PLEKHG3: variants seen among roughly 807,000 people sequenced by gnomAD.
PLEKHG3 encodes pleckstrin homology and RhoGEF domain containing G3, also known as pleckstrin homology domain-containing family G member 3.
PLEKHG3 carries 62 observed loss-of-function variants against 94.9 expected under a neutral mutation model. That is an observed-to-expected ratio of 0.65 (90% CI 0.53 to 0.81). The LOEUF (loss-of-function observed/expected upper bound fraction) is 0.81. PLEKHG3 is among the 30% of genes least tolerant of loss of function. The pLI is 0.00. For missense variants in PLEKHG3, 1,461 were observed against 1,619.3 expected, an observed-to-expected ratio of 0.90 and a Z score of 1.68; for synonymous variants, 614 against 654.0, an observed-to-expected ratio of 0.94 and a Z score of 0.93.
Position 64,750,204 on chromosome 14 carries a change from T to G in PLEKHG3, c.*6501T>G. 618 of 1,547,728 alleles carry G rather than the reference T, an allele frequency of 4.0e-4. No individual in the cohort carries two copies. Among genetic ancestry groups the G allele is most frequent in the Non-Finnish European group, 5.1e-4 (570 of 1,127,342 alleles). On this transcript the variant is annotated 3_prime_UTR_variant, in exon 17 of 17. Coordinates refer to ENST00000247226, the MANE Select transcript of PLEKHG3 (RefSeq NM_001308147.2). ...CACCCACATCCTGATATGGTATCTC[T>G]AGAGTCAATTCCTATAGCTTCACCA... is the stretch of plus-strand genomic sequence containing the variant.
At chr14:64,736,709 C>T in intron 12 of PLEKHG3, 144 bp from the exon 13 acceptor site, 1 of 712,748 alleles carries the variant, frequency 1.4e-6, no homozygotes, top group Non-Finnish European at 2.6e-6. Flanking sequence ...TGGAAGGCAG[C>T]TTCCCTGGGG....
chr14:64,716,060 G>A lies in PLEKHG3; in HGVS notation c.-40+11356G>A, dbSNP rs2139365149. The A allele has an allele frequency of 4.4e-6, 2 of 456,320 alleles. No homozygotes were observed. Among genetic ancestry groups the A allele is most frequent in the East Asian group, 1.4e-4 (2 of 14,376 alleles). The allele number at this position is 456,320 out of a possible 1,614,324, so 28.3% of individuals were successfully genotyped here. ...CTGCCCGGCCCCTCGCCACCCTCGT[G>A]GTGCCCGGATGGGAGCTCTCCTGAG... On this transcript the variant is annotated intron_variant, in intron 1 of 16. Transcript: ENST00000247226. The surrounding 1 kb of genome is among the most constrained non-coding windows in gnomAD (Gnocchi z 5.0).
rs555085948 is a variant in PLEKHG3 at position 64,725,681 on chromosome 14, C to T, written c.-39-1912C>T. On this transcript the variant is annotated intron_variant, in intron 1 of 16. Transcript: ENST00000247226. The surrounding 1 kb of genome is among the most constrained non-coding windows in gnomAD (Gnocchi z 5.0). The stretch of plus-strand genomic sequence containing the variant: ...GCCCTCTGGGCATTGCACTGGGCTG[C>T]GGAGGGGAGCACTGGGCTGCCACTG... 7.2e-5 allele frequency among the ~76,000 whole-genome samples: 11 copies of T among 152,238 alleles called. No homozygotes were observed. In the East Asian group the frequency reaches 1.9e-3, roughly 27 times the overall value.
At position 64,738,096 on chromosome 14, in the gene PLEKHG3, GAGGAGGAGGAGC is replaced by G; in HGVS notation, c.1405-637_1405-626del. ...GCCGGAGCCCCCAGGCTCAGAGGAG[GAGGAGGAGGAGC>G]AGGAGGAGAGCCTGGCGGTGGCGGA... On this transcript the variant is annotated intron_variant, in intron 14 of 16. Transcript: ENST00000247226. The surrounding 1 kb of genome is among the most constrained non-coding windows in gnomAD (Gnocchi z 4.8). 7.7e-7 allele frequency: 1 copy of G among 1,304,788 alleles called. No homozygotes were observed. The highest frequency in any genetic ancestry group is 1.0e-6 in the Non-Finnish European group (1 of 997,446). The allele number at this position is 1,304,788 out of a possible 1,614,324, so 80.8% of individuals were successfully genotyped here.
In PLEKHG3 at chr14:64,738,948, C is replaced by T; in HGVS notation, c.1518+93C>T. 1.3e-6 allele frequency: 1 copy of T among 770,428 alleles called. No homozygotes were observed. The allele number at this position is 770,428 out of a possible 1,614,324, so 47.7% of individuals were successfully genotyped here. The stretch of plus-strand genomic sequence containing the variant: ...ATAGGGCTTTCAGGCACAGGCTCTC[C>T]CACTGGGCCCATGGGAACAGAGATT... On this transcript the variant is annotated intron_variant, in intron 15 of 16. Transcript: ENST00000247226. This position sits in a 1 kb window ranked among gnomAD's most constrained non-coding sequence, Gnocchi z 4.8.
chr14:64,733,687 T>A (rs1240545066), intron 12 of PLEKHG3, among the ~76,000 whole-genome samples: 3 of 152,148 alleles, frequency 2.0e-5, no homozygotes, highest in Non-Finnish European at 2.9e-5. Context: ...ACAGGAAATA[T>A]TTATTTTGGG....
rs1463976155 is a variant in PLEKHG3, at chr14:64,749,010, G to T, written c.*5307G>T. ...GCTCAGGAGGAGGGTGGGAGAGGAG[G>T]GCGTGTGCCTCAGAGAACCGTTTCC... On this transcript the variant is annotated 3_prime_UTR_variant, in exon 17 of 17. Coordinates refer to ENST00000247226, the MANE Select transcript of PLEKHG3 (RefSeq NM_001308147.2). The surrounding 1 kb of genome is among the most constrained non-coding windows in gnomAD (Gnocchi z 4.7). 9.1e-6 allele frequency: 3 copies of T among 328,640 alleles called. No homozygotes were observed. The highest frequency in any genetic ancestry group is 1.7e-5 in the Non-Finnish European group (3 of 178,452). 20.4% of individuals were successfully genotyped at this position (328,640 alleles called of 1,614,324 possible).
chr14:64,742,570 A>T, intron 16 of PLEKHG3, 115 bp downstream of exon 16: 2 of 770,670 alleles, frequency 2.6e-6, no homozygotes, highest in Non-Finnish European at 4.1e-6. Flanking sequence ...CCAAAGGGAG[A>T]AGCTGGACCC....
chr14:64,736,761 G>C (rs2081578575), intron 12 of PLEKHG3, 92 bp from the exon 13 acceptor site: 2 of 921,688 alleles, frequency 2.2e-6, no homozygotes, highest in Non-Finnish European at 3.6e-6. Context: ...ACTTTGAGCT[G>C]GTGATGGGCT....
rs2081804333 is a variant in PLEKHG3, at chr14:64,744,893, GCC to G, written c.*1191_*1192del. ...GGTTCAAGCAATTCTCGTTGTCTCA[GCC>G]TCCCAGGTCGCTGGGACTACAGGCA... is the stretch of plus-strand genomic sequence containing the variant. On this transcript the variant is annotated 3_prime_UTR_variant, in exon 17 of 17. Transcript: ENST00000247226. 6.6e-6 allele frequency: 1 copy of G among 150,796 alleles called. No homozygotes were observed. The highest frequency in any genetic ancestry group is 1.5e-5 in the Non-Finnish European group (1 of 67,946). 9.3% of individuals were successfully genotyped at this position (150,796 alleles called of 1,614,324 possible).
chr14:64,722,765 G>A lies in PLEKHG3; in HGVS notation c.-39-4828G>A, dbSNP rs911722441. Among the ~76,000 whole-genome samples the A allele has an allele frequency of 1.3e-5, 2 of 152,184 alleles. No homozygotes were observed. Among genetic ancestry groups the A allele is most frequent in the African/African-American group, 4.8e-5 (2 of 41,434 alleles). Reference sequence around the variant, plus strand: ...CCCACCAGAGGGTTCACCCCCAAGTGTCCTCTTCCCCTCTCCTGCCTTGTC... The same window carrying A: ...CCCACCAGAGGGTTCACCCCCAAGTATCCTCTTCCCCTCTCCTGCCTTGTC... On this transcript the variant is annotated intron_variant, in intron 1 of 16. Coordinates refer to ENST00000247226, the MANE Select transcript of PLEKHG3 (RefSeq NM_001308147.2). The surrounding 1 kb of genome is among the most constrained non-coding windows in gnomAD (Gnocchi z 4.3).
chr14:64,712,689 T>C (rs762906856), intron 1 of PLEKHG3, among the ~76,000 whole-genome samples: 4 of 152,222 alleles, frequency 2.6e-5, no homozygotes, highest in African/African-American at 4.8e-5. Flanking sequence ...CTGAACACTT[T>C]TATTGGTTCT....
Position 64,742,264 on chromosome 14 carries a change from G to A in PLEKHG3, c.2747G>A (p.Ser916Asn). Residue 916 changes from serine to asparagine, a missense_variant, in exon 16 of 17, where the codon AGC becomes AAC. Physicochemically the swap from Ser to Asn is conservative, Grantham distance 46. Coordinates refer to ENST00000247226, the MANE Select transcript of PLEKHG3 (RefSeq NM_001308147.2). ...GTGCAGCTCTCCCACGTAATGGACAGCCACGTGAGCGAGCGCGTCAAGAAC... is the reference window on the plus strand; with the variant it reads ...GTGCAGCTCTCCCACGTAATGGACAACCACGTGAGCGAGCGCGTCAAGAAC... ...RIVQLSHVMD[S>N]HVSERVKNKV... The A allele has an allele frequency of 1.2e-6, 2 of 1,613,024 alleles. No homozygotes were observed. The highest frequency in any genetic ancestry group is 1.3e-5 in the African/African-American group (1 of 75,058).
intron 14 of PLEKHG3, among the ~76,000 whole-genome samples, chr14:64,737,662 C>T (rs2081597947): frequency 6.6e-6 from 1 of 152,256 alleles, no homozygotes; most frequent in African/African-American, 2.4e-5. Context: ...GTAGGCAGGC[C>T]TGTTTGGGTT....
chr14:64,732,541 T>A lies in PLEKHG3; in HGVS notation c.1246+81T>A, dbSNP rs1234647820. Reference sequence around the variant, plus strand: ...GGCTGCATCCTGGGGAAGCTTTACCTGATAATTTTATTCCAGGAGCAGGGA... The same window carrying A: ...GGCTGCATCCTGGGGAAGCTTTACCAGATAATTTTATTCCAGGAGCAGGGA... On this transcript the variant is annotated intron_variant, in intron 11 of 16. Transcript: ENST00000247226. The surrounding 1 kb of genome is among the most constrained non-coding windows in gnomAD (Gnocchi z 4.9). 7.6e-7 allele frequency: 1 copy of A among 1,311,316 alleles called. No individual in the cohort carries two copies. Among genetic ancestry groups the A allele is most frequent in the Non-Finnish European group, 1.1e-6 (1 of 905,358 alleles). The allele number at this position is 1,311,316 out of a possible 1,614,324, so 81.2% of individuals were successfully genotyped here. A position where few individuals can be genotyped will look rare whatever the true frequency, so the allele number is the denominator to read the frequency against.
rs1201905403 is a variant in PLEKHG3, at chr14:64,729,145, AG to A, written c.449+55del. 6 of 802,692 alleles carry A rather than the reference AG, an allele frequency of 7.5e-6. No individual in the cohort carries two copies. In the African/African-American group the frequency reaches 1.0e-4, roughly 14 times the overall value. 49.7% of individuals were successfully genotyped at this position (802,692 alleles called of 1,614,324 possible). ...ATGTTCTGCCTGCGAGGCCCACCTC[AG>A]GGCCTAGGGAGGAACCCTGGATGTC... is the stretch of plus-strand genomic sequence containing the variant. On this transcript the variant is annotated intron_variant, in intron 3 of 16. Transcript: ENST00000247226.
intron 1 of PLEKHG3, among the ~76,000 whole-genome samples, chr14:64,707,458 A>G (rs1364630302): frequency 6.6e-6 from 1 of 152,256 alleles, no homozygotes; most frequent in Non-Finnish European, 1.5e-5. Flanking sequence ...TGAATGCCAG[A>G]TGCAGAAGAC....
intron 1 of PLEKHG3, among the ~76,000 whole-genome samples, chr14:64,714,996 G>A (rs148338548): frequency 2.6e-5 from 4 of 152,218 alleles, no homozygotes; most frequent in Non-Finnish European, 5.9e-5. Flanking sequence ...AAACAGCTTG[G>A]GATACTTGCT....
At chr14:64,709,957 A>C (rs2081041876) in intron 1 of PLEKHG3, among the ~76,000 whole-genome samples, 1 of 152,154 alleles carries the variant, frequency 6.6e-6, no homozygotes, top group Non-Finnish European at 1.5e-5. Flanking sequence ...CTGACAGAGA[A>C]TGTCCATAAG....
Sources: gnomAD v4.1 joint callset for allele counts (sites outside exome capture counted in the v4.1 genomes callset) on GRCh38, gnomAD v4.1.1 for gene constraint, Gnocchi (gnomAD v3.1) non-coding constraint, MANE v1.5 for transcripts, NCBI Gene and HGNC (gene_info 2026-07-23, HGNC 2026-07-21) for gene names.